The following METTL25 variants were observed in gnomAD, a reference collection of about 807,000 sequenced individuals.
The protein encoded by METTL25 is methyltransferase like 25.
A neutral mutation model predicts 71.6 loss-of-function variants in METTL25; 64 were observed. That is an observed-to-expected ratio of 0.89 (90% CI 0.73 to 1.10). METTL25 has a LOEUF of 1.10. METTL25 is among the 50% of genes least tolerant of loss of function. METTL25 has a pLI of 0.00. For missense variants in METTL25, 807 were observed against 707.0 expected, an observed-to-expected ratio of 1.14 and a Z score of -1.60; for synonymous variants, 287 against 250.3, an observed-to-expected ratio of 1.15 and a Z score of -1.38.
At chr12:82,472,370 A>G (rs7968024) in intron 9 of METTL25, among the ~76,000 whole-genome samples, 23,016 of 152,102 alleles carry the variant, frequency 0.15, 2,104 homozygotes, top group African/African-American at 0.25. Flanking sequence ...AGGCCAAAGC[A>G]GGCAGATCAC....
intron 3 of METTL25, among the ~76,000 whole-genome samples, chr12:82,394,521 C>T (rs754197983): frequency 6.6e-6 from 1 of 152,002 alleles, no homozygotes; most frequent in Non-Finnish European, 1.5e-5. Context: ...CATGTTCACT[C>T]ATTCATACTT....
intron 9 of METTL25, among the ~76,000 whole-genome samples, chr12:82,472,529 C>T (rs947349040): frequency 3.9e-5 from 6 of 152,026 alleles, no homozygotes; most frequent in East Asian, 1.9e-4. Context: ...ACCTGGGAGG[C>T]GGAGTTTGCA....
chr12:82,410,152 A>T (rs926932858), intron 5 of METTL25, among the ~76,000 whole-genome samples: 1 of 146,740 alleles, frequency 6.8e-6, no homozygotes, highest in Non-Finnish European at 1.5e-5. Flanking sequence ...GTTTAAGCTT[A>T]CTTAAACAAA....
At chr12:82,457,265 A>G (rs1374113822) in intron 9 of METTL25, among the ~76,000 whole-genome samples, 1 of 151,982 alleles carries the variant, frequency 6.6e-6, no homozygotes, top group Admixed American at 6.6e-5. Flanking sequence ...AGTAATTGAT[A>G]ACATATTACT....
At chr12:82,476,581 T>C in intron 9 of METTL25, 63 bp from the exon 10 acceptor site, 3 of 1,073,332 alleles carry the variant, frequency 2.8e-6, no homozygotes, top group Non-Finnish European at 4.3e-6. Context: ...CTTTAGGATA[T>C]GTTTGACAAG....
chr12:82,362,775 T>C (rs1252400923), intron 1 of METTL25, among the ~76,000 whole-genome samples: 1 of 152,174 alleles, frequency 6.6e-6, no homozygotes, highest in Non-Finnish European at 1.5e-5. Flanking sequence ...GAATACAATA[T>C]AAGAGGCTAT....
intron 5 of METTL25, among the ~76,000 whole-genome samples, chr12:82,425,285 T>C (rs1049220687): frequency 8.6e-5 from 13 of 152,046 alleles, no homozygotes; most frequent in African/African-American, 3.1e-4. Context: ...ACCTATTACA[T>C]CCTACCTACC....
chr12:82,472,522 T>C (rs965546376), intron 9 of METTL25, among the ~76,000 whole-genome samples: 2 of 152,052 alleles, frequency 1.3e-5, no homozygotes, highest in African/African-American at 4.8e-5. Flanking sequence ...GGCTTGAACC[T>C]GGGAGGCGGA....
chr12:82,375,195 A>G (rs575894509), intron 1 of METTL25, among the ~76,000 whole-genome samples: 3 of 152,302 alleles, frequency 2.0e-5, no homozygotes, highest in Admixed American at 2.0e-4. Context: ...CATATGCTAA[A>G]TATTAATTGC....
intron 3 of METTL25, among the ~76,000 whole-genome samples, chr12:82,396,167 A>G (rs113097998): frequency 6.6e-6 from 1 of 152,104 alleles, no homozygotes; most frequent in African/African-American, 2.4e-5. Context: ...CTAGGTTTCC[A>G]TAAGCACACT....
At position 82,398,872 on chromosome 12, in the gene METTL25, T is replaced by G; in HGVS notation, c.609T>G (p.Ile203Met). ...AGTATGGCTTAAAAGTTTATGGAAT[T>G]GATTCTTCAAATACCAATACTCATG... The part of the protein sequence containing the change: ...SLKYGLKVYG[I>M]DSSNTNTHGA... Residue 203 changes from isoleucine to methionine, a missense_variant, in exon 4 of 12, where the codon ATT (isoleucine) becomes ATG (methionine). Coordinates refer to ENST00000248306, the MANE Select transcript of METTL25 (RefSeq NM_032230.3). 1 of 1,602,146 alleles carries G rather than the reference T, an allele frequency of 6.2e-7. No individual in the cohort carries two copies. Among genetic ancestry groups the G allele is most frequent in the East Asian group, 2.2e-5 (1 of 44,656 alleles).
chr12:82,412,556 C>A lies in METTL25; in HGVS notation c.1279+9426C>A, dbSNP rs181874549. ...CCCAGTAAGAGCCAGCTTTTCCATT[C>A]CACTGGCTTTCACCTACAGTTTGTA... On this transcript the variant is annotated intron_variant, in intron 5 of 11. Coordinates refer to ENST00000248306, the MANE Select transcript of METTL25 (RefSeq NM_032230.3). Among the ~76,000 whole-genome samples the A allele has an allele frequency of 9.7e-4, 147 of 152,224 alleles. 1 individual carries two copies. The highest frequency in any genetic ancestry group is 8.7e-3 in the Admixed American group (133 of 15,252).
chr12:82,373,149 T>C (rs774875364), intron 1 of METTL25, among the ~76,000 whole-genome samples: 16 of 152,130 alleles, frequency 1.1e-4, no homozygotes, highest in South Asian at 6.2e-4. Flanking sequence ...CCTGTTAGTA[T>C]TGGGACCTTA....
chr12:82,404,695 C>T (rs1160602655), intron 5 of METTL25, among the ~76,000 whole-genome samples: 1 of 152,084 alleles, frequency 6.6e-6, no homozygotes, highest in Non-Finnish European at 1.5e-5. Context: ...CTAATGCCAG[C>T]AATTTGGGAG....
At chr12:82,412,069 A>G (rs1264938355) in intron 5 of METTL25, among the ~76,000 whole-genome samples, 1 of 152,126 alleles carries the variant, frequency 6.6e-6, no homozygotes, top group East Asian at 1.9e-4. Context: ...TCTCTTGGTT[A>G]TAGTAGTAGT....
intron 8 of METTL25, among the ~76,000 whole-genome samples, chr12:82,441,211 G>A (rs1890299910): frequency 6.6e-6 from 1 of 151,860 alleles, no homozygotes; most frequent in African/African-American, 2.4e-5. Context: ...TCAGATTATT[G>A]CTTCTGCTAG....
Position 82,434,706 on chromosome 12 carries a change from G to A in METTL25, c.1386G>A (p.Arg462=), listed in dbSNP as rs746000411. Residue 462 remains arginine, a synonymous_variant, in exon 7 of 12, where the codon CGG becomes CGA. Transcript: ENST00000248306. ...ARMSACLALE[R]VAAGQGLPTE... is the part of the protein sequence containing the mutation. Reference sequence around the variant, plus strand: ...TTTTTCCCTTTAAGGCATTGGAGCGGGTTGCAGCTGGCCAAGGGGTAAGTA... The same window carrying A: ...TTTTTCCCTTTAAGGCATTGGAGCGAGTTGCAGCTGGCCAAGGGGTAAGTA... The A allele has an allele frequency of 2.5e-6, 4 of 1,609,356 alleles. No individual in the cohort carries two copies. The South Asian group carries it at 4.4e-5, about 18-fold the overall frequency.
chr12:82,393,749 T>C (rs1458057489), intron 3 of METTL25, among the ~76,000 whole-genome samples: 2 of 152,042 alleles, frequency 1.3e-5, no homozygotes, highest in Non-Finnish European at 2.9e-5. Flanking sequence ...TGATGCTAGA[T>C]GTGGGTTTCT....
chr12:82,400,424 A>G (rs1180328531), intron 4 of METTL25, among the ~76,000 whole-genome samples: 1 of 151,938 alleles, frequency 6.6e-6, no homozygotes, highest in Non-Finnish European at 1.5e-5. Context: ...ATAGCTGACC[A>G]TTGTTTTACC....
Sources: gnomAD v4.1 joint callset for allele counts (sites outside exome capture counted in the v4.1 genomes callset) on GRCh38, gnomAD v4.1.1 for gene constraint, MANE v1.5 for transcripts, NCBI Gene and HGNC (gene_info 2026-07-23, HGNC 2026-07-21) for gene names.